The following ADGRB3 variants were observed in gnomAD, a reference collection of about 807,000 sequenced individuals.
ADGRB3 encodes brain-specific angiogenesis inhibitor 3.
In ADGRB3, 37 loss-of-function variants were observed where a neutral mutation model predicts 193.4. The observed-to-expected ratio is 0.19, with a 90% confidence interval of 0.15 to 0.25. The LOEUF (loss-of-function observed/expected upper bound fraction) is 0.25. Among genes scored for constraint, ADGRB3 ranks in the 10% least tolerant of loss-of-function variants. The pLI is 1.00. For missense variants in ADGRB3, 1,637 were observed against 1,852.9 expected, an observed-to-expected ratio of 0.88 and a Z score of 2.14; for synonymous variants, 690 against 644.2, an observed-to-expected ratio of 1.07 and a Z score of -1.08.
chr6:69,038,014 CA>C (rs1335054497), intron 13 of ADGRB3, among the ~76,000 whole-genome samples: 1 of 152,124 alleles, frequency 6.6e-6, no homozygotes, highest in East Asian at 1.9e-4. Flanking sequence ...TGTATTTGTT[CA>C]TTTGTTAAAT....
chr6:68,866,382 A>G (rs1000149716), intron 3 of ADGRB3, among the ~76,000 whole-genome samples: 5 of 152,262 alleles, frequency 3.3e-5, no homozygotes, highest in African/African-American at 7.2e-5. Context: ...ACCTTCTGCC[A>G]TGATTGCTAG....
chr6:68,938,932 A>G (rs13201188), intron 5 of ADGRB3, among the ~76,000 whole-genome samples: 51,020 of 152,084 alleles, frequency 0.34, 9,569 homozygotes, highest in Middle Eastern at 0.53. Flanking sequence ...ATACAGGGAT[A>G]GTATTATGGC....
At chr6:68,905,862 A>G (rs1320856785) in intron 3 of ADGRB3, among the ~76,000 whole-genome samples, 3 of 152,118 alleles carry the variant, frequency 2.0e-5, no homozygotes, top group Admixed American at 2.0e-4. Flanking sequence ...CCACTGCCTC[A>G]GTTTTCTCAC....
intron 20 of ADGRB3, among the ~76,000 whole-genome samples, chr6:69,299,562 G>A (rs1767906908): frequency 6.6e-6 from 1 of 151,808 alleles, no homozygotes; most frequent in South Asian, 2.1e-4. Context: ...TTTTGTTTAT[G>A]GCAAGAGATA....
intron 17 of ADGRB3, among the ~76,000 whole-genome samples, chr6:69,132,812 A>G (rs189716098): frequency 6.6e-6 from 1 of 152,290 alleles, no homozygotes; most frequent in East Asian, 1.9e-4. Context: ...ATAAGGAGTA[A>G]AGAAGGGGTT....
chr6:68,815,638 T>TGTGGGTGGGTGG (rs146536913), intron 3 of ADGRB3, among the ~76,000 whole-genome samples: 22 of 149,518 alleles, frequency 1.5e-4, no homozygotes, highest in East Asian at 1.0e-3. Flanking sequence ...TGTGTGTGTG[T>TGTGGGTGGGTGG]GTGCATGTAG....
At chr6:69,363,388 G>A (rs1769493720) in intron 29 of ADGRB3, among the ~76,000 whole-genome samples, 1 of 151,868 alleles carries the variant, frequency 6.6e-6, no homozygotes, top group Admixed American at 6.6e-5. Context: ...TATAGATGTG[G>A]GAATGAATAA....
At chr6:69,138,613 T>A (rs994364776) in intron 17 of ADGRB3, among the ~76,000 whole-genome samples, 3 of 152,246 alleles carry the variant, frequency 2.0e-5, no homozygotes, top group African/African-American at 7.2e-5. Context: ...TCTTTGGTGG[T>A]TAAAATGAAT....
intron 20 of ADGRB3, among the ~76,000 whole-genome samples, chr6:69,289,367 T>G (rs950835955): frequency 1.3e-5 from 2 of 152,160 alleles, no homozygotes; most frequent in Non-Finnish European, 2.9e-5. Context: ...AAAATGTGAT[T>G]GTTTGGTTGT....
intron 30 of ADGRB3, among the ~76,000 whole-genome samples, chr6:69,381,037 G>A (rs757680110): frequency 3.3e-5 from 5 of 151,712 alleles, no homozygotes; most frequent in African/African-American, 1.2e-4. Context: ...TTTTTTTTAA[G>A]TGTTCCTTAT....
At chr6:68,874,826 A>G (rs1441025416) in intron 3 of ADGRB3, among the ~76,000 whole-genome samples, 1 of 152,130 alleles carries the variant, frequency 6.6e-6, no homozygotes, top group Non-Finnish European at 1.5e-5. Flanking sequence ...CTATATATGA[A>G]TATCTTTATA....
chr6:68,792,799 C>T (rs1439183989), intron 3 of ADGRB3, among the ~76,000 whole-genome samples: 1 of 152,108 alleles, frequency 6.6e-6, no homozygotes, highest in African/African-American at 2.4e-5. Context: ...AGCCTTCCCG[C>T]CGATGTCCCC....
chr6:68,960,555 G>A (rs1355405383), intron 8 of ADGRB3, among the ~76,000 whole-genome samples: 2 of 152,150 alleles, frequency 1.3e-5, no homozygotes, highest in African/African-American at 2.4e-5. Context: ...TTCCTTATTT[G>A]TATAAGGTTG....
chr6:68,836,680 A>G (rs1768052138), intron 3 of ADGRB3, among the ~76,000 whole-genome samples: 3 of 152,148 alleles, frequency 2.0e-5, no homozygotes, highest in Admixed American at 1.3e-4. Context: ...TCTCCCTGCC[A>G]TATATCTTAC....
intron 13 of ADGRB3, among the ~76,000 whole-genome samples, chr6:69,031,193 C>A (rs1040961506): frequency 6.6e-6 from 1 of 150,728 alleles, no homozygotes; most frequent in Non-Finnish European, 1.5e-5. Context: ...GTAATCCCAG[C>A]ACTTTGGGAG....
intron 20 of ADGRB3, among the ~76,000 whole-genome samples, chr6:69,257,493 AG>A (rs1339738171): frequency 6.6e-6 from 1 of 152,102 alleles, no homozygotes; most frequent in Non-Finnish European, 1.5e-5. Flanking sequence ...ATTTGCGTAG[AG>A]GTGTTTGTAG....
intron 10 of ADGRB3, among the ~76,000 whole-genome samples, chr6:68,991,395 T>C (rs1769232399): frequency 6.6e-6 from 1 of 151,212 alleles, no homozygotes; most frequent in Non-Finnish European, 1.5e-5. Flanking sequence ...AAACAAGAAA[T>C]AGAAGGCACA....
chr6:68,683,492 T>G lies in ADGRB3; in HGVS notation c.757+44060T>G, dbSNP rs372491589. Among the ~76,000 whole-genome samples the G allele has an allele frequency of 3.0e-3, 452 of 152,300 alleles. 3 individuals carry two copies. The highest frequency in any genetic ancestry group is 0.01 in the African/African-American group (436 of 41,570). On this transcript the variant is annotated intron_variant, in intron 3 of 31. Transcript: ENST00000370598. ...AATTATATGTACTAAAAGCAACTAG[T>G]GCAGTGATTGTTTTAGACAATGGAA...
At position 68,880,452 on chromosome 6, in the gene ADGRB3, G is replaced by A. The variant is rs62416396; in HGVS notation, c.758-50107G>A. Among the ~76,000 whole-genome samples, 469 of 152,190 alleles carry A rather than the reference G, an allele frequency of 3.1e-3. 1 individual carries two copies. The highest frequency in any genetic ancestry group is 5.7e-3 in the Non-Finnish European group (387 of 68,016). ...CTCTTAGACTGACAAAACTTCTTTT[G>A]CAATAAGTTTAAAAAATTACCTTTT... is the stretch of plus-strand genomic sequence containing the variant. On this transcript the variant is annotated intron_variant, in intron 3 of 31. Transcript: ENST00000370598.
Sources: gnomAD v4.1 joint callset for allele counts (sites outside exome capture counted in the v4.1 genomes callset) on GRCh38, gnomAD v4.1.1 for gene constraint, MANE v1.5 for transcripts, NCBI Gene and HGNC (gene_info 2026-07-23, HGNC 2026-07-21) for gene names.